FLNB: variants seen among roughly 807,000 people sequenced by gnomAD.
The protein encoded by FLNB is filamin-B.
In FLNB, 111 loss-of-function variants were observed where a neutral mutation model predicts 250.6. The ratio of observed to expected loss-of-function variants is 0.44; its 90% CI spans 0.38 to 0.52. The LOEUF (loss-of-function observed/expected upper bound fraction) is 0.52, where lower values mean the gene tolerates loss of function less well. Among genes scored for constraint, FLNB ranks in the 20% least tolerant of loss-of-function variants. FLNB has a pLI of 0.00. For missense variants in FLNB, 2,869 were observed against 3,447.8 expected (o/e 0.83, Z 4.20); for synonymous variants, 1,302 against 1,372.1 (o/e 0.95, Z 1.13).
chr3:58,149,802 C>T lies in FLNB; in HGVS notation c.6092-48C>T, dbSNP rs756836541. On this transcript the variant is annotated intron_variant, in intron 36 of 45. Transcript: ENST00000295956. ...CCTTTCTCCATTCATCAGGCTCCCTCTTCCTGAGGAGCTGCTGTCAGAACA... is the reference window on the plus strand; with the variant it reads ...CCTTTCTCCATTCATCAGGCTCCCTTTTCCTGAGGAGCTGCTGTCAGAACA... The T allele has an allele frequency of 2.5e-6, 4 of 1,612,884 alleles. No homozygotes were observed. The Admixed American group carries it at 6.7e-5, about 27-fold the overall frequency.
chr3:58,019,846 C>T (rs1278332829), intron 1 of FLNB, among the ~76,000 whole-genome samples: 1 of 152,220 alleles, frequency 6.6e-6, no homozygotes, highest in African/African-American at 2.4e-5. Flanking sequence ...GGAGACATTG[C>T]TCCAGTTCTT....
rs764190111 is a variant in FLNB, at chr3:58,031,543, CTTTTT to C, written c.292+22708_292+22712del. Among the ~76,000 whole-genome samples, 11 of 77,144 alleles carry C rather than the reference CTTTTT, an allele frequency of 1.4e-4. 1 individual carries two copies. Among genetic ancestry groups the C allele is most frequent in the Middle Eastern group, 0.037 (2 of 54 alleles). 50.6% of individuals were successfully genotyped at this position (77,144 alleles called of 152,430 possible). ...ACAGACGTGAGCCACCGTGCCCTGC[CTTTTT>C]TTTTTTTTTTTTTTTTTTTTAAAGG... On this transcript the variant is annotated intron_variant, in intron 1 of 45. Coordinates refer to ENST00000295956, the MANE Select transcript of FLNB (RefSeq NM_001457.4).
At chr3:58,071,224 G>A (rs983773076) in intron 1 of FLNB, among the ~76,000 whole-genome samples, 1 of 150,694 alleles carries the variant, frequency 6.6e-6, no homozygotes, top group East Asian at 1.9e-4. Context: ...ATAGTGCTGG[G>A]ATTACAGAGA....
rs373285328 is a variant in FLNB, at chr3:58,166,342, C to T, written c.7199-2098C>T. On this transcript the variant is annotated intron_variant, in intron 43 of 45. Coordinates refer to ENST00000295956, the MANE Select transcript of FLNB (RefSeq NM_001457.4). ...CGGTGGCTCATGCCTGTAATCAAAGCACTTTGGAAGGCCAAGGCAGAAAGA... is the reference window on the plus strand; with the variant it reads ...CGGTGGCTCATGCCTGTAATCAAAGTACTTTGGAAGGCCAAGGCAGAAAGA... Among the ~76,000 whole-genome samples the T allele has an allele frequency of 1.6e-4, 24 of 152,172 alleles. No homozygotes were observed. The East Asian group carries it at 2.9e-3, about 18-fold the overall frequency.
intron 4 of FLNB, 119 bp downstream of exon 4, chr3:58,081,895 G>A (rs1009155747): frequency 9.2e-7 from 1 of 1,082,424 alleles, no homozygotes; most frequent in African/African-American, 1.5e-5. Context: ...TCCTCAAAGA[G>A]ACCCCAAGCC....
At position 58,106,660 on chromosome 3, in the gene FLNB, C is replaced by T; in HGVS notation, c.1748-20C>T. 1 of 1,612,996 alleles carries T rather than the reference C, an allele frequency of 6.2e-7. No individual in the cohort carries two copies. Among genetic ancestry groups the T allele is most frequent in the Non-Finnish European group, 8.5e-7 (1 of 1,179,064 alleles). On this transcript the variant is annotated intron_variant, in intron 11 of 45. Coordinates refer to ENST00000295956, the MANE Select transcript of FLNB (RefSeq NM_001457.4). Reference sequence around the variant, plus strand: ...TTTCCACCATATAACCAGGGAGACCCTTCCACCTCCACCCCCTAGGGTTTG... The same window carrying T: ...TTTCCACCATATAACCAGGGAGACCTTTCCACCTCCACCCCCTAGGGTTTG...
chr3:58,016,311 C>T (rs1216675061), intron 1 of FLNB, among the ~76,000 whole-genome samples: 1 of 151,944 alleles, frequency 6.6e-6, no homozygotes, highest in African/African-American at 2.4e-5. Flanking sequence ...CACCTAGCCT[C>T]CCAAAGTGCT....
At chr3:58,051,682 TGG>T (rs751958630) in intron 1 of FLNB, among the ~76,000 whole-genome samples, 1 of 51,162 alleles carries the variant, frequency 2.0e-5, no homozygotes, top group Non-Finnish European at 3.6e-5. Context: ...GCAGTTTTTT[TGG>T]GTTTTTTTTT....
intron 3 of FLNB, among the ~76,000 whole-genome samples, chr3:58,079,892 G>C (rs2097206838): frequency 6.6e-6 from 1 of 152,174 alleles, no homozygotes; most frequent in Admixed American, 6.5e-5. Context: ...AGTGTATTTT[G>C]TAACAGGGTC....
chr3:58,036,289 A>G, intron 1 of FLNB, among the ~76,000 whole-genome samples: 1 of 152,190 alleles, frequency 6.6e-6, no homozygotes, highest in Non-Finnish European at 1.5e-5. Flanking sequence ...AGAAAGAGTA[A>G]GTCACCCAGA....
At chr3:58,087,378 G>C (rs1000047478) in intron 4 of FLNB, among the ~76,000 whole-genome samples, 11 of 152,134 alleles carry the variant, frequency 7.2e-5, no homozygotes, top group African/African-American at 2.7e-4. Context: ...GGTGAAACAA[G>C]ACCAGCTGTG....
intron 1 of FLNB, among the ~76,000 whole-genome samples, chr3:58,045,999 CAAAAAAAAAAAA>C (rs34327981): frequency 5.8e-5 from 4 of 68,974 alleles, no homozygotes; most frequent in South Asian, 8.0e-4. Context: ...ACTCCGTCTC[CAAAAAAAAAAAA>C]AAAAAAAAAA....
chr3:58,169,244 A>T lies in FLNB; in HGVS notation c.7418-346A>T. 3.4e-6 allele frequency: 1 copy of T among 294,382 alleles called. No individual in the cohort carries two copies. The highest frequency in any genetic ancestry group is 6.4e-6 in the Non-Finnish European group (1 of 155,898). The allele number at this position is 294,382 out of a possible 1,614,324, so 18.2% of individuals were successfully genotyped here. A position where few individuals can be genotyped will look rare whatever the true frequency, so the allele number is the denominator to read the frequency against. On this transcript the variant is annotated intron_variant, in intron 44 of 45. Coordinates refer to ENST00000295956, the MANE Select transcript of FLNB (RefSeq NM_001457.4). This position sits in a 1 kb window ranked among gnomAD's most constrained non-coding sequence, Gnocchi z 4.8. The stretch of plus-strand genomic sequence containing the variant: ...GATATTTCATTATATGTCATCCCAA[A>T]CTTTTACACTGCTTATACATAGACT...
intron 4 of FLNB, among the ~76,000 whole-genome samples, chr3:58,093,141 C>T (rs142179700): frequency 6.6e-6 from 1 of 152,176 alleles, no homozygotes; most frequent in Non-Finnish European, 1.5e-5. Flanking sequence ...TCACAGAACT[C>T]AGGGAAACAC....
rs201517703 is a variant in FLNB at position 58,105,074 on chromosome 3, C to G, written c.1611-6C>G. 2 of 1,614,238 alleles carry G rather than the reference C, an allele frequency of 1.2e-6. No individual in the cohort carries two copies. The highest frequency in any genetic ancestry group is 2.7e-5 in the African/African-American group (2 of 75,060). On this transcript the variant is annotated splice_polypyrimidine_tract_variant and splice_region_variant and intron_variant, in intron 10 of 45. Coordinates refer to ENST00000295956, the MANE Select transcript of FLNB (RefSeq NM_001457.4). ...TTTGATGCTTCTTCTATTCCTTTCC[C>G]TGTAGCCCCTTTGAAGTTCAAGTTG...
In FLNB at chr3:58,142,896, G is replaced by C; in HGVS notation, c.5284+144G>C. ...AGTTCTTGGTCTCCGGTGTTGGGCC[G>C]TGGGCTCCTGAAACTACAGAATATG... On this transcript the variant is annotated intron_variant, in intron 31 of 45. Transcript: ENST00000295956. The surrounding 1 kb of genome is among the most constrained non-coding windows in gnomAD (Gnocchi z 4.3). 3 of 702,856 alleles carry C rather than the reference G, an allele frequency of 4.3e-6. No homozygotes were observed. The highest frequency in any genetic ancestry group is 4.5e-5 in the Admixed American group (2 of 44,568). The allele number at this position is 702,856 out of a possible 1,614,324, so 43.5% of individuals were successfully genotyped here. A position where few individuals can be genotyped will look rare whatever the true frequency, so the allele number is the denominator to read the frequency against.
intron 27 of FLNB, 146 bp from the exon 28 acceptor site, chr3:58,135,833 A>AAAAAC: frequency 1.1e-6 from 1 of 882,588 alleles, no homozygotes; most frequent in Non-Finnish European, 1.8e-6. Flanking sequence ...CTCCCTACCA[A>AAAAAC]AAAACAAAAC....
Position 58,149,967 on chromosome 3 carries a change from T to C in FLNB, c.6209T>C (p.Ile2070Thr). The part of the protein sequence containing the change: ...SYFPTVPGVY[I>T]VSTKFADEHV... ...TTCCCTACCGTGCCTGGGGTTTATA[T>C]CGTCTCCACCAAATTCGCTGACGAG... is the stretch of plus-strand genomic sequence containing the variant. The change falls in exon 37 of 46, where the codon ATC becomes ACC. Residue 2070 changes from isoleucine to threonine, a missense_variant. Physicochemically the swap from Ile to Thr is moderately conservative, Grantham distance 89. Coordinates refer to ENST00000295956, the MANE Select transcript of FLNB (RefSeq NM_001457.4). 1 of 1,614,240 alleles carries C rather than the reference T, an allele frequency of 6.2e-7. No individual in the cohort carries two copies. The highest frequency in any genetic ancestry group is 1.6e-4 in the Middle Eastern group (1 of 6,062).
chr3:58,050,697 C>A (rs979565767), intron 1 of FLNB, among the ~76,000 whole-genome samples: 7 of 152,182 alleles, frequency 4.6e-5, no homozygotes, highest in African/African-American at 1.7e-4. Context: ...ACCTGACATT[C>A]AATGTCAGAT....
Sources: gnomAD v4.1 joint callset for allele counts (sites outside exome capture counted in the v4.1 genomes callset) on GRCh38, gnomAD v4.1.1 for gene constraint, Gnocchi (gnomAD v3.1) non-coding constraint, MANE v1.5 for transcripts, NCBI Gene and HGNC (gene_info 2026-07-23, HGNC 2026-07-21) for gene names.